CNTNAP2: variants seen among roughly 807,000 people sequenced by gnomAD.
The protein encoded by CNTNAP2 is contactin-associated protein-like 2.
Under a neutral mutation model 155.2 loss-of-function variants are expected in CNTNAP2, and 98 were observed. The ratio of observed to expected loss-of-function variants is 0.63; its 90% CI spans 0.54 to 0.75. CNTNAP2 has a LOEUF of 0.75. Ranked by LOEUF, CNTNAP2 falls within the 30% of genes least tolerant of loss-of-function variation. The probability of loss-of-function intolerance (pLI) is 0.00; values close to 1 mark genes in which losing one functional copy is unlikely to be tolerated. For synonymous variants in CNTNAP2, 651 were observed against 631.2 expected (o/e 1.03, Z -0.47); for missense variants, 1,727 against 1,688.1 (o/e 1.02, Z -0.40).
chr7:147,299,140 C>T (rs547202526), intron 8 of CNTNAP2, among the ~76,000 whole-genome samples: 2 of 152,308 alleles, frequency 1.3e-5, no homozygotes, highest in South Asian at 2.1e-4. Context: ...CACCCACCAC[C>T]TTGTCATAGC....
At chr7:147,283,814 C>G (rs1447422420) in intron 8 of CNTNAP2, among the ~76,000 whole-genome samples, 1 of 151,834 alleles carries the variant, frequency 6.6e-6, no homozygotes, top group Admixed American at 6.6e-5. Flanking sequence ...ACAGAAGTGG[C>G]TATGAATTCC....
chr7:147,981,546 T>C (rs1289184387), intron 15 of CNTNAP2, among the ~76,000 whole-genome samples: 1 of 152,212 alleles, frequency 6.6e-6, no homozygotes, highest in Non-Finnish European at 1.5e-5. Flanking sequence ...CCTCAGAACC[T>C]GCCTCTTGAA....
chr7:148,099,184 A>G (rs1274533844), intron 15 of CNTNAP2, among the ~76,000 whole-genome samples: 2 of 152,222 alleles, frequency 1.3e-5, no homozygotes, highest in Non-Finnish European at 2.9e-5. Flanking sequence ...TCCCCACATG[A>G]AAAGTGGACA....
chr7:146,171,751 T>TATCATAAAATA (rs1798394348), intron 1 of CNTNAP2, among the ~76,000 whole-genome samples: 1 of 151,920 alleles, frequency 6.6e-6, no homozygotes, highest in Non-Finnish European at 1.5e-5. Flanking sequence ...ATATATAATG[T>TATCATAAAATA]GTAAATTTAA....
chr7:147,503,188 G>T (rs1412022247), intron 11 of CNTNAP2, among the ~76,000 whole-genome samples: 1 of 152,064 alleles, frequency 6.6e-6, no homozygotes, highest in Non-Finnish European at 1.5e-5. Flanking sequence ...GGCTTCTATT[G>T]ATTGCCAGTA....
intron 3 of CNTNAP2, among the ~76,000 whole-genome samples, chr7:146,969,567 G>A (rs1268711724): frequency 6.6e-6 from 1 of 152,020 alleles, no homozygotes; most frequent in Admixed American, 6.6e-5. Flanking sequence ...ATTATGTAAT[G>A]GCCTTCTTTG....
At chr7:147,253,585 T>A (rs1804252845) in intron 8 of CNTNAP2, among the ~76,000 whole-genome samples, 2 of 152,142 alleles carry the variant, frequency 1.3e-5, no homozygotes. Flanking sequence ...AGAGAAAGAA[T>A]AACCAGGTGT....
intron 18 of CNTNAP2, among the ~76,000 whole-genome samples, chr7:148,207,284 G>C (rs1585187483): frequency 6.6e-6 from 1 of 152,218 alleles, no homozygotes; most frequent in African/African-American, 2.4e-5. Context: ...TGAATAAATA[G>C]CTAAGTAGTC....
At chr7:147,212,045 A>G (rs143746194) in intron 8 of CNTNAP2, among the ~76,000 whole-genome samples, 2 of 152,276 alleles carry the variant, frequency 1.3e-5, no homozygotes, top group East Asian at 3.9e-4. Context: ...AACTGCAATG[A>G]GATATCATCT....
At chr7:147,186,277 T>A (rs1391898414) in intron 8 of CNTNAP2, among the ~76,000 whole-genome samples, 1 of 152,172 alleles carries the variant, frequency 6.6e-6, no homozygotes, top group Non-Finnish European at 1.5e-5. Context: ...TATAATCTAA[T>A]TATTAATAAT....
intron 2 of CNTNAP2, among the ~76,000 whole-genome samples, chr7:146,812,078 TG>T (rs1271659309): frequency 6.6e-6 from 1 of 152,264 alleles, no homozygotes; most frequent in Non-Finnish European, 1.5e-5. Flanking sequence ...GGGGTGTTGC[TG>T]TATAGATACC....
At chr7:146,479,087 G>A (rs1328652150) in intron 1 of CNTNAP2, among the ~76,000 whole-genome samples, 1 of 152,164 alleles carries the variant, frequency 6.6e-6, no homozygotes, top group Non-Finnish European at 1.5e-5. Context: ...GATCTGACAA[G>A]GGGGTGTACT....
chr7:147,313,395 G>A (rs1795162694), intron 9 of CNTNAP2, among the ~76,000 whole-genome samples: 1 of 150,886 alleles, frequency 6.6e-6, no homozygotes, highest in African/African-American at 2.4e-5. Flanking sequence ...TATGGTTTTA[G>A]GTCTAACATT....
At chr7:147,858,137 G>C (rs1287892747) in intron 13 of CNTNAP2, among the ~76,000 whole-genome samples, 1 of 152,220 alleles carries the variant, frequency 6.6e-6, no homozygotes, top group African/African-American at 2.4e-5. Context: ...GCCCAGGCTA[G>C]AGTGCAGTGG....
intron 20 of CNTNAP2, among the ~76,000 whole-genome samples, chr7:148,236,282 T>G (rs1296788168): frequency 1.3e-5 from 2 of 152,186 alleles, no homozygotes; most frequent in Non-Finnish European, 2.9e-5. Context: ...ACAAAAGGCT[T>G]GGGTGGGAAG....
chr7:146,746,870 G>A (rs915649697), intron 1 of CNTNAP2, among the ~76,000 whole-genome samples: 26 of 152,102 alleles, frequency 1.7e-4, no homozygotes, highest in African/African-American at 6.0e-4. Flanking sequence ...AATTATCCCA[G>A]ATGTTTTTGC....
chr7:146,340,060 T>C (rs1801350650), intron 1 of CNTNAP2, among the ~76,000 whole-genome samples: 3 of 149,426 alleles, frequency 2.0e-5, no homozygotes, highest in Non-Finnish European at 4.4e-5. Flanking sequence ...TCCCAGCTAC[T>C]CAGCAGGCTG....
At chr7:147,727,019 A>ATG (rs200406391) in intron 13 of CNTNAP2, among the ~76,000 whole-genome samples, 209 of 120,932 alleles carry the variant, frequency 1.7e-3, no homozygotes, top group Middle Eastern at 9.0e-3. Context: ...GTATATGTAT[A>ATG]TGTGTGTATA....
chr7:147,494,354 C>A lies in CNTNAP2; in HGVS notation c.1777+8313C>A, dbSNP rs955693289. Among the ~76,000 whole-genome samples, 13 of 151,498 alleles carry A rather than the reference C, an allele frequency of 8.6e-5. No homozygotes were observed. In the South Asian group the frequency reaches 2.7e-3, roughly 31 times the overall value. On this transcript the variant is annotated intron_variant, in intron 11 of 23. Coordinates refer to ENST00000361727, the MANE Select transcript of CNTNAP2 (RefSeq NM_014141.6). ...GGCAGACCAAATTTTGAATTAATCC[C>A]TTCTTGCTTCGGAATGATGACCAAG...
Sources: gnomAD v4.1 joint callset for allele counts (sites outside exome capture counted in the v4.1 genomes callset) on GRCh38, gnomAD v4.1.1 for gene constraint, MANE v1.5 for transcripts, NCBI Gene and HGNC (gene_info 2026-07-23, HGNC 2026-07-21) for gene names.